Variants in AMDHD2 observed in about 807,000 individuals in gnomAD.
AMDHD2 encodes amidohydrolase domain containing 2.
Under a neutral mutation model 41.8 loss-of-function variants are expected in AMDHD2, and 24 were observed. The ratio of observed to expected loss-of-function variants is 0.57; its 90% CI spans 0.42 to 0.81. The LOEUF (loss-of-function observed/expected upper bound fraction) is 0.81. AMDHD2 is among the 30% of genes least tolerant of loss of function. The pLI, the probability that AMDHD2 is intolerant of heterozygous loss-of-function variation, is 0.00. For missense variants in AMDHD2, 540 were observed against 588.5 expected (o/e 0.92, Z 0.85); for synonymous variants, 332 against 255.5 (o/e 1.30, Z -2.85).
rs2066086704 is a variant in AMDHD2, at chr16:2,530,970, G to C, written c.*1407G>C. The C allele has an allele frequency of 1.2e-6, 2 of 1,613,506 alleles. No homozygotes were observed. Among genetic ancestry groups the C allele is most frequent in the Non-Finnish European group, 1.7e-6 (2 of 1,179,914 alleles). On this transcript the variant is annotated 3_prime_UTR_variant, in exon 11 of 11. Transcript: ENST00000293971. ...GCCTGGGAGAGGAGCTGTCTTGCCA[G>C]GGCTCCCAGGCAGGGAGAGGCAGGT... is the stretch of plus-strand genomic sequence containing the variant.
intron 3 of AMDHD2, among the ~76,000 whole-genome samples, chr16:2,526,142 G>A (rs1254227621): frequency 1.3e-5 from 2 of 148,300 alleles, no homozygotes; most frequent in Non-Finnish European, 2.9e-5. Flanking sequence ...TTCGAGGCTT[G>A]CCCAGGCTGC....
chr16:2,520,746 G>T, intron 1 of AMDHD2, 23 bp from the exon 2 acceptor site: 1 of 1,537,026 alleles, frequency 6.5e-7, no homozygotes, highest in Non-Finnish European at 8.7e-7. Flanking sequence ...CGCGATGCGA[G>T]CGCCCACCCA....
rs2065919018 is a variant in AMDHD2, at chr16:2,520,563, CGGGGCT to C, written c.83+27_83+32del. On this transcript the variant is annotated intron_variant, in intron 1 of 10. Coordinates refer to ENST00000293971, the MANE Select transcript of AMDHD2 (RefSeq NM_001330449.2). ...TCAGGTGGGCGCGGGCCGGGGACTG[CGGGGCT>C]GGGGACCGGGCGGGGTGCAGGGTGC... The C allele has an allele frequency of 6.6e-6, 7 of 1,059,614 alleles. No individual in the cohort carries two copies. The African/African-American group carries it at 9.4e-5, about 14-fold the overall frequency. 65.6% of individuals were successfully genotyped at this position (1,059,614 alleles called of 1,614,324 possible). A position where few individuals can be genotyped will look rare whatever the true frequency, so the allele number is the denominator to read the frequency against.
At position 2,529,924 on chromosome 16, in the gene AMDHD2, A is replaced by G. The variant is rs2066062649; in HGVS notation, c.*361A>G. Reference sequence around the variant, plus strand: ...CTGCAGACCCCAGGAAAGTGTCACTATGGGAGGGAGGGGCAGGCAGTCAGT... The same window carrying G: ...CTGCAGACCCCAGGAAAGTGTCACTGTGGGAGGGAGGGGCAGGCAGTCAGT... On this transcript the variant is annotated 3_prime_UTR_variant, in exon 11 of 11. Transcript: ENST00000293971. 13 of 962,612 alleles carry G rather than the reference A, an allele frequency of 1.4e-5. No homozygotes were observed. Among genetic ancestry groups the G allele is most frequent in the Non-Finnish European group, 1.9e-5 (13 of 681,220 alleles). The allele number at this position is 962,612 out of a possible 1,614,324, so 59.6% of individuals were successfully genotyped here.
chr16:2,521,996 G>C (rs1029324376), intron 3 of AMDHD2, among the ~76,000 whole-genome samples: 15 of 152,030 alleles, frequency 9.9e-5, no homozygotes, highest in African/African-American at 2.2e-4. Flanking sequence ...GTGTTAGCCA[G>C]GATGGTCTCG....
At position 2,529,629 on chromosome 16, in the gene AMDHD2, G is replaced by C; in HGVS notation, c.*66G>C. The C allele has an allele frequency of 6.3e-7, 1 of 1,596,236 alleles. No homozygotes were observed. The highest frequency in any genetic ancestry group is 8.5e-7 in the Non-Finnish European group (1 of 1,177,662). On this transcript the variant is annotated 3_prime_UTR_variant, in exon 11 of 11. Transcript: ENST00000293971. ...GCCATCAGGGCCGGGTGGTTGGGGA[G>C]CTGGTCTCCAGGGAGTGAGTCGGGA... is the stretch of plus-strand genomic sequence containing the variant.
chr16:2,527,210 C>A lies in AMDHD2; in HGVS notation c.361-351C>A. On this transcript the variant is annotated intron_variant, in intron 3 of 10. Transcript: ENST00000293971. The surrounding 1 kb of genome is among the most constrained non-coding windows in gnomAD (Gnocchi z 6.1). ...ACCACACACAGTGCTGAGCCCTGGC[C>A]ATGCCCACACTGAGCTCTGCCCCAG... The A allele has an allele frequency of 2.4e-6, 1 of 411,704 alleles. No individual in the cohort carries two copies. Among genetic ancestry groups the A allele is most frequent in the Non-Finnish European group, 4.4e-6 (1 of 226,244 alleles). 25.5% of individuals were successfully genotyped at this position (411,704 alleles called of 1,614,324 possible). A position where few individuals can be genotyped will look rare whatever the true frequency, so the allele number is the denominator to read the frequency against.
chr16:2,521,522 C>T (rs2065937059), intron 3 of AMDHD2, among the ~76,000 whole-genome samples: 1 of 152,216 alleles, frequency 6.6e-6, no homozygotes, highest in South Asian at 2.1e-4. Context: ...TGATGTGTGA[C>T]TCAGTGGAAC....
In AMDHD2 at chr16:2,528,531, A is replaced by AGTGGAC. The variant is rs1369801730; in HGVS notation, c.944_949dup (p.Val315_Asp316dup). On this transcript the variant is annotated inframe_insertion, in exon 8 of 11. Coordinates refer to ENST00000293971, the MANE Select transcript of AMDHD2 (RefSeq NM_001330449.2). ...ACACGCTGGGACAGCAGGAAGTGGAAGTGGACGGTCTGACGGCCTACGTGG... is the reference window on the plus strand; with the variant it reads ...ACACGCTGGGACAGCAGGAAGTGGAAGTGGACGTGGACGGTCTGACGGCCTACGTGG... 5 of 1,612,602 alleles carry AGTGGAC rather than the reference A, an allele frequency of 3.1e-6. No individual in the cohort carries two copies. In the African/African-American group the frequency reaches 4.0e-5, roughly 13 times the overall value.
chr16:2,526,924 C>T (rs2066010874), intron 3 of AMDHD2, among the ~76,000 whole-genome samples: 1 of 152,066 alleles, frequency 6.6e-6, no homozygotes, highest in Admixed American at 6.6e-5. Flanking sequence ...GAGGGAAACT[C>T]CATTCCAAAA....
In AMDHD2 at chr16:2,529,577, TGAGAGG is replaced by T; in HGVS notation, c.*15_*20del. The T allele has an allele frequency of 6.2e-7, 1 of 1,605,762 alleles. No individual in the cohort carries two copies. Among genetic ancestry groups the T allele is most frequent in the Non-Finnish European group, 8.5e-7 (1 of 1,179,856 alleles). On this transcript the variant is annotated 3_prime_UTR_variant, in exon 11 of 11. Transcript: ENST00000293971. ...GCTAGGCAGTGACAAGGACCTCGGC[TGAGAGG>T]ACACCTGGCCGCAGCGGGATGCCAT...
chr16:2,522,460 GAA>G (rs1385797303), intron 3 of AMDHD2, among the ~76,000 whole-genome samples: 1 of 152,004 alleles, frequency 6.6e-6, no homozygotes, highest in Admixed American at 6.6e-5. Context: ...GGCGGACCAC[GAA>G]GTCAGGAGAT....
Position 2,530,996 on chromosome 16 carries a change from G to A in AMDHD2, c.*1433G>A. The A allele has an allele frequency of 6.2e-7, 1 of 1,613,062 alleles. No homozygotes were observed. On this transcript the variant is annotated 3_prime_UTR_variant, in exon 11 of 11. Transcript: ENST00000293971. ...GGCTCCCAGGCAGGGAGAGGCAGGT[G>A]AGGTTCTCAGCCGATGTGTTAGAGG...
rs759227672 is a variant in AMDHD2, at chr16:2,530,624, A to G, written c.*1061A>G. On this transcript the variant is annotated 3_prime_UTR_variant, in exon 11 of 11. Transcript: ENST00000293971. ...CAGGAGGTACGCGCCTGGCTCTGCC[A>G]CTGTTCTCTTCCCTCTGCTGCAAAG... 4.3e-6 allele frequency: 7 copies of G among 1,614,140 alleles called. No homozygotes were observed. The highest frequency in any genetic ancestry group is 3.3e-5 in the Admixed American group (2 of 60,030).
At chr16:2,526,072 A>G (rs1271856122) in intron 3 of AMDHD2, among the ~76,000 whole-genome samples, 1 of 152,030 alleles carries the variant, frequency 6.6e-6, no homozygotes, top group East Asian at 1.9e-4. Flanking sequence ...TTCCCTGTCC[A>G]TCTCTCCTCG....
In AMDHD2 at chr16:2,521,075, C is replaced by T. The variant is rs774905559; in HGVS notation, c.312C>T (p.Thr104=). 1.1e-5 allele frequency: 18 copies of T among 1,610,968 alleles called. No individual in the cohort carries two copies. Among genetic ancestry groups the T allele is most frequent in the Non-Finnish European group, 1.4e-5 (16 of 1,178,310 alleles). The change falls in exon 3 of 11, where the codon ACC becomes ACT. Residue 104 remains threonine (T), a synonymous_variant. Coordinates refer to ENST00000293971, the MANE Select transcript of AMDHD2 (RefSeq NM_001330449.2). ...VARRILSHGV[T]SFCPTLVTSP... is the part of the protein sequence containing the mutation. ...GGAGGATCCTGTCGCACGGCGTCAC[C>T]TCCTTCTGCCCCACCCTGGTCACTT...
In AMDHD2 at chr16:2,528,068, G is replaced by C. The variant is rs1354701625; in HGVS notation, c.637G>C (p.Val213Leu). The C allele has an allele frequency of 6.2e-7, 1 of 1,613,036 alleles. No individual in the cohort carries two copies. Residue 213 changes from valine (V) to leucine (L), a missense_variant, in exon 6 of 11, where the codon GTG (valine) becomes CTG (leucine). Val to Leu is a conservative substitution (Grantham distance 32). Transcript: ENST00000293971. Reference sequence around the variant, plus strand: ...GAATCCAGGTCCCGCAGGGCACTCAGTGGCTGACCTGCGGGCGGCAGAGGA... The same window carrying C: ...GAATCCAGGTCCCGCAGGGCACTCACTGGCTGACCTGCGGGCGGCAGAGGA... ...RGICVSLGHS[V>L]ADLRAAEDAV... is the part of the protein sequence containing the mutation.
intron 3 of AMDHD2, among the ~76,000 whole-genome samples, chr16:2,522,033 C>T (rs990934970): frequency 6.6e-6 from 1 of 152,020 alleles, no homozygotes; most frequent in Non-Finnish European, 1.5e-5. Flanking sequence ...ATCCGCCCGC[C>T]TTGGCCTCCC....
At chr16:2,529,143 ACT>A in intron 10 of AMDHD2, 48 bp downstream of exon 10, 1 of 1,472,868 alleles carries the variant, frequency 6.8e-7, no homozygotes, top group Non-Finnish European at 9.0e-7. Context: ...CTGCCTGTAG[ACT>A]CTGTTGTTCC....
Sources: gnomAD v4.1 joint callset for allele counts (sites outside exome capture counted in the v4.1 genomes callset) on GRCh38, gnomAD v4.1.1 for gene constraint, Gnocchi (gnomAD v3.1) non-coding constraint, MANE v1.5 for transcripts, NCBI Gene and HGNC (gene_info 2026-07-23, HGNC 2026-07-21) for gene names.